The following MALRD1 variants were observed in gnomAD, a reference collection of about 807,000 sequenced individuals.
MALRD1 encodes the protein MAM and LDL-receptor class A domain-containing protein 1.
In MALRD1, 247 loss-of-function variants were observed where a neutral mutation model predicts 242.1. That is an observed-to-expected ratio of 1.02 (90% CI 0.92 to 1.13). MALRD1 has a LOEUF of 1.13. Among genes scored for constraint, MALRD1 ranks in the 50% most tolerant of loss-of-function variants. The probability of loss-of-function intolerance (pLI) is 0.00; values close to 1 mark genes in which losing one functional copy is unlikely to be tolerated. For missense variants in MALRD1, 2,989 were observed against 2,533.1 expected, an observed-to-expected ratio of 1.18 and a Z score of -3.86; for synonymous variants, 995 against 866.6, an observed-to-expected ratio of 1.15 and a Z score of -2.60.
intron 21 of MALRD1, among the ~76,000 whole-genome samples, chr10:19,283,822 T>C (rs1395914849): frequency 6.6e-6 from 1 of 152,210 alleles, no homozygotes; most frequent in African/African-American, 2.4e-5. Context: ...TATCTCAATA[T>C]TATAAAGTTG....
At chr10:19,362,767 T>C (rs1844945052) in intron 26 of MALRD1, among the ~76,000 whole-genome samples, 1 of 152,074 alleles carries the variant, frequency 6.6e-6, no homozygotes, top group South Asian at 2.1e-4. Context: ...TTGGCTGTAA[T>C]GTAGAGAGAT....
intron 38 of MALRD1, among the ~76,000 whole-genome samples, chr10:19,696,751 TA>T (rs754208733): frequency 0.023 from 3,168 of 140,264 alleles, 44 homozygotes; most frequent in African/African-American, 0.046. Context: ...TGCCCAAAAT[TA>T]AAAAAAAAAA....
At chr10:19,417,786 A>T (rs1833566003) in intron 28 of MALRD1, among the ~76,000 whole-genome samples, 1 of 152,156 alleles carries the variant, frequency 6.6e-6, no homozygotes, top group South Asian at 2.1e-4. Context: ...TAACTCACTA[A>T]TTCAATACAA....
chr10:19,554,766 A>G (rs1437037441), intron 32 of MALRD1, among the ~76,000 whole-genome samples: 1 of 152,156 alleles, frequency 6.6e-6, no homozygotes, highest in South Asian at 2.1e-4. Flanking sequence ...GTGTATATGC[A>G]CCACATTTTT....
intron 28 of MALRD1, among the ~76,000 whole-genome samples, chr10:19,432,445 T>C (rs1266444521): frequency 6.6e-6 from 1 of 152,196 alleles, no homozygotes; most frequent in Admixed American, 6.5e-5. Context: ...TAGGGAAGTT[T>C]TGAGTCAACT....
At chr10:19,153,091 T>A (rs1022489767) in intron 11 of MALRD1, among the ~76,000 whole-genome samples, 46 of 152,186 alleles carry the variant, frequency 3.0e-4, no homozygotes, top group African/African-American at 1.1e-3. Context: ...TAGGATTCTA[T>A]GACTTGACAC....
intron 28 of MALRD1, among the ~76,000 whole-genome samples, chr10:19,436,070 AATTT>A (rs1834338690): frequency 6.6e-6 from 1 of 151,954 alleles, no homozygotes; most frequent in Admixed American, 6.6e-5. Context: ...TTATTGTGGG[AATTT>A]ATTTATTTAA....
At chr10:19,088,234 C>G in intron 4 of MALRD1, 49 bp downstream of exon 4, 4 of 1,223,384 alleles carry the variant, frequency 3.3e-6, no homozygotes, top group Non-Finnish European at 4.1e-6. Context: ...AAATAAGATA[C>G]AGATCTTTAA....
At chr10:19,498,971 A>G (rs1436994689) in intron 31 of MALRD1, among the ~76,000 whole-genome samples, 1 of 152,196 alleles carries the variant, frequency 6.6e-6, no homozygotes, top group Admixed American at 6.5e-5. Context: ...GCAATATGCA[A>G]AGATATACAA....
At chr10:19,427,139 A>G (rs946338513) in intron 28 of MALRD1, among the ~76,000 whole-genome samples, 1 of 152,178 alleles carries the variant, frequency 6.6e-6, no homozygotes, top group African/African-American at 2.4e-5. Context: ...TAGAACAAGG[A>G]TATGAATTAA....
intron 36 of MALRD1, among the ~76,000 whole-genome samples, chr10:19,671,817 T>G (rs1417641878): frequency 1.3e-5 from 2 of 152,168 alleles, no homozygotes; most frequent in Non-Finnish European, 2.9e-5. Context: ...GTAGATGGGA[T>G]GGGGCAAAAT....
rs866242887 is a variant in MALRD1, at chr10:19,415,443, G to T, written c.4845+25834G>T. On this transcript the variant is annotated intron_variant, in intron 28 of 39. Transcript: ENST00000454679. ...CTAATTTTTTATTTGTTGTTAAGAT[G>T]ATTTATCTTCATAAATAATGTGTTA... Among the ~76,000 whole-genome samples the T allele has an allele frequency of 3.9e-5, 6 of 152,078 alleles. No individual in the cohort carries two copies. The South Asian group carries it at 1.2e-3, about 32-fold the overall frequency.
chr10:19,538,388 A>G (rs1283339377), intron 32 of MALRD1, among the ~76,000 whole-genome samples: 1 of 152,188 alleles, frequency 6.6e-6, no homozygotes, highest in Non-Finnish European at 1.5e-5. Context: ...TTTATTTTCT[A>G]GTAATGCCAA....
intron 4 of MALRD1, among the ~76,000 whole-genome samples, chr10:19,103,559 A>G (rs1292434315): frequency 1.6e-5 from 2 of 128,122 alleles, no homozygotes; most frequent in Non-Finnish European, 3.2e-5. Context: ...CTCAAAAAAA[A>G]AAAAAATAAA....
chr10:19,603,652 G>A (rs1008617581), intron 34 of MALRD1, among the ~76,000 whole-genome samples: 48 of 152,204 alleles, frequency 3.2e-4, no homozygotes, highest in East Asian at 3.9e-4. Flanking sequence ...TGTTGTTTTG[G>A]CTTAGGATTG....
intron 32 of MALRD1, among the ~76,000 whole-genome samples, chr10:19,555,138 G>T (rs1405889651): frequency 6.6e-6 from 1 of 152,034 alleles, no homozygotes; most frequent in East Asian, 1.9e-4. Flanking sequence ...TTTCTTTAAT[G>T]ATCAGTGATG....
intron 1 of MALRD1, among the ~76,000 whole-genome samples, chr10:19,057,507 G>A (rs1308389748): frequency 1.3e-5 from 2 of 152,104 alleles, no homozygotes; most frequent in African/African-American, 4.8e-5. Flanking sequence ...TTGGGAATTA[G>A]GGTTTTAAAT....
At chr10:19,140,229 AT>A (rs1833491356) in intron 10 of MALRD1, among the ~76,000 whole-genome samples, 1 of 152,128 alleles carries the variant, frequency 6.6e-6, no homozygotes, top group Non-Finnish European at 1.5e-5. Context: ...GCTTTTCATG[AT>A]CCAGAATTTT....
intron 26 of MALRD1, among the ~76,000 whole-genome samples, chr10:19,375,528 C>G (rs953820182): frequency 1.3e-5 from 2 of 152,106 alleles, no homozygotes; most frequent in Admixed American, 6.6e-5. Context: ...GATAAGGACA[C>G]ACATCCTCAC....
Sources: gnomAD v4.1 joint callset for allele counts (sites outside exome capture counted in the v4.1 genomes callset) on GRCh38, gnomAD v4.1.1 for gene constraint, MANE v1.5 for transcripts, NCBI Gene and HGNC (gene_info 2026-07-23, HGNC 2026-07-21) for gene names.